The following CNST variants were observed in gnomAD, a reference collection of about 807,000 sequenced individuals.
The protein encoded by CNST is consortin.
A neutral mutation model predicts 72.4 loss-of-function variants in CNST; 39 were observed. The observed-to-expected ratio is 0.54, with a 90% CI of 0.42 to 0.70. The LOEUF (loss-of-function observed/expected upper bound fraction) is 0.70. Ranked by LOEUF, CNST falls within the 30% of genes least tolerant of loss-of-function variation. The pLI, the probability that CNST is intolerant of heterozygous loss-of-function variation, is 0.00. For synonymous variants in CNST, 332 were observed against 320.1 expected (o/e 1.04, Z -0.40); for missense variants, 871 against 868.5 (o/e 1.00, Z -0.04).
intron 2 of CNST, among the ~76,000 whole-genome samples, chr1:246,615,455 G>A (rs1360548980): frequency 2.0e-5 from 3 of 151,742 alleles, no homozygotes; most frequent in South Asian, 2.1e-4. Context: ...GATTACAGGC[G>A]TGAGCCACTG....
At chr1:246,575,182 CG>C (rs1163378325) in intron 1 of CNST, among the ~76,000 whole-genome samples, 2 of 151,958 alleles carry the variant, frequency 1.3e-5, no homozygotes, top group Non-Finnish European at 2.9e-5. Flanking sequence ...TCAGTAGAGA[CG>C]GGGTTTCATC....
At position 246,615,631 on chromosome 1, in the gene CNST, C is replaced by T. The variant is rs986233794; in HGVS notation, c.380-5798C>T. 2.6e-5 allele frequency among the ~76,000 whole-genome samples: 4 copies of T among 151,476 alleles called. No individual in the cohort carries two copies. In the South Asian group the frequency reaches 8.4e-4, roughly 32 times the overall value. On this transcript the variant is annotated intron_variant, in intron 2 of 10. Coordinates refer to ENST00000366513, the MANE Select transcript of CNST (RefSeq NM_152609.3). ...CGGTGGCTCACGCCTGTAATCCCAGCACTTTGGGAGGCCGAGGCAGGTGAA... is the reference window on the plus strand; with the variant it reads ...CGGTGGCTCACGCCTGTAATCCCAGTACTTTGGGAGGCCGAGGCAGGTGAA...
At chr1:246,580,617 T>C (rs2103010951) in intron 1 of CNST, among the ~76,000 whole-genome samples, 1 of 152,298 alleles carries the variant, frequency 6.6e-6, no homozygotes, top group East Asian at 1.9e-4. Context: ...GTTGGCTTCA[T>C]GCAAAAAGGA....
chr1:246,638,318 C>T (rs1665435028), intron 6 of CNST, among the ~76,000 whole-genome samples: 1 of 152,140 alleles, frequency 6.6e-6, no homozygotes, highest in African/African-American at 2.4e-5. Flanking sequence ...TGTAGGGCTA[C>T]TTGTTTGGCC....
rs192658737 is a variant in CNST at position 246,617,346 on chromosome 1, T to C, written c.380-4083T>C. On this transcript the variant is annotated intron_variant, in intron 2 of 10. Transcript: ENST00000366513. ...TTCTTATAACTCCTATTATTCACTA[T>C]GACATGAGTCATATAAACTTTATTA... Among the ~76,000 whole-genome samples the C allele has an allele frequency of 1.9e-3, 297 of 152,370 alleles. 1 individual carries two copies. The highest frequency in any genetic ancestry group is 6.2e-3 in the African/African-American group (256 of 41,600).
chr1:246,597,973 GTATT>G (rs55701547), intron 2 of CNST, among the ~76,000 whole-genome samples: 135,688 of 150,300 alleles, frequency 0.9, 61,256 homozygotes, highest in South Asian at 0.93. Context: ...TCACAAGATG[GTATT>G]TATTTATTTA....
chr1:246,582,367 T>C (rs1660846267), intron 1 of CNST, among the ~76,000 whole-genome samples: 1 of 151,836 alleles, frequency 6.6e-6, no homozygotes, highest in African/African-American at 2.4e-5. Flanking sequence ...TTTTTTTTTT[T>C]TTTGAGGTGG....
At chr1:246,658,697 C>CT (rs1355318684) in intron 9 of CNST, among the ~76,000 whole-genome samples, 1 of 152,214 alleles carries the variant, frequency 6.6e-6, no homozygotes, top group South Asian at 2.1e-4. Context: ...CCATCCTCAG[C>CT]TTAGTCACTG....
chr1:246,567,658 A>G (rs1659802689), intron 1 of CNST, among the ~76,000 whole-genome samples: 1 of 152,342 alleles, frequency 6.6e-6, no homozygotes, highest in Non-Finnish European at 1.5e-5. Context: ...ACAACTAAAT[A>G]TGACCTTTTG....
chr1:246,637,100 T>C (rs1355835559), intron 6 of CNST, among the ~76,000 whole-genome samples: 1 of 152,056 alleles, frequency 6.6e-6, no homozygotes, highest in Non-Finnish European at 1.5e-5. Context: ...AAAAAGAAAA[T>C]TTTTTGGTTA....
chr1:246,652,866 T>A (rs12563655), intron 9 of CNST, among the ~76,000 whole-genome samples: 1 of 142,158 alleles, frequency 7.0e-6, no homozygotes, highest in East Asian at 2.1e-4. Flanking sequence ...TAGCCGGGCG[T>A]GGTGGCGGGC....
intron 2 of CNST, among the ~76,000 whole-genome samples, chr1:246,609,546 C>T (rs934669886): frequency 6.6e-6 from 1 of 152,200 alleles, no homozygotes; most frequent in African/African-American, 2.4e-5. Context: ...CATGGCACTC[C>T]AGCCTGGGCA....
Position 246,574,171 on chromosome 1 carries a change from G to A in CNST, c.-52+7508G>A, listed in dbSNP as rs184790194. On this transcript the variant is annotated intron_variant, in intron 1 of 10. Transcript: ENST00000366513. ...ATTCTCCCGCCTCAGCCTCCGGAGTGGCTGGGACTACAGGCACCCGCCACC... is the reference window on the plus strand; with the variant it reads ...ATTCTCCCGCCTCAGCCTCCGGAGTAGCTGGGACTACAGGCACCCGCCACC... Among the ~76,000 whole-genome samples, 45 of 152,162 alleles carry A rather than the reference G, an allele frequency of 3.0e-4. No homozygotes were observed. The East Asian group carries it at 7.2e-3, about 24-fold the overall frequency.
intron 9 of CNST, among the ~76,000 whole-genome samples, chr1:246,659,723 AAT>A (rs1666981924): frequency 6.6e-6 from 1 of 152,220 alleles, no homozygotes; most frequent in Non-Finnish European, 1.5e-5. Context: ...ACAACACTTT[AAT>A]GTTAAAAGCT....
intron 2 of CNST, among the ~76,000 whole-genome samples, chr1:246,592,574 C>T (rs201897672): frequency 6.6e-6 from 1 of 152,308 alleles, no homozygotes; most frequent in East Asian, 1.9e-4. Flanking sequence ...AGCCTCCTCT[C>T]CCTCCTTTAT....
At chr1:246,632,329 G>C (rs1664823948) in intron 4 of CNST, 1 of 290,338 alleles carries the variant, frequency 3.4e-6, no homozygotes, top group Non-Finnish European at 6.7e-6. Context: ...TGGGACCCGG[G>C]ACATTGCCGC....
At chr1:246,600,404 A>G (rs945596804) in intron 2 of CNST, among the ~76,000 whole-genome samples, 2 of 152,180 alleles carry the variant, frequency 1.3e-5, no homozygotes, top group African/African-American at 4.8e-5. Flanking sequence ...AGTGTGGAGA[A>G]TTGGTTGGAG....
At chr1:246,639,924 G>T (rs945608229) in intron 6 of CNST, among the ~76,000 whole-genome samples, 1 of 152,192 alleles carries the variant, frequency 6.6e-6, no homozygotes, top group Non-Finnish European at 1.5e-5. Context: ...GTGGTACCCG[G>T]ATGGCCAATC....
intron 1 of CNST, among the ~76,000 whole-genome samples, chr1:246,571,166 T>G (rs1308543289): frequency 2.0e-5 from 3 of 152,224 alleles, no homozygotes; most frequent in African/African-American, 7.2e-5. Context: ...TTATCCTTTT[T>G]GAGACAGTCT....
Sources: allele counts gnomAD v4.1 joint callset (sites outside exome capture counted in the v4.1 genomes callset), GRCh38; gene constraint gnomAD v4.1.1; transcripts MANE v1.5; gene names NCBI Gene and HGNC (gene_info 2026-07-23, HGNC 2026-07-21).